The following CDH12 variants were observed in gnomAD, a reference collection of about 807,000 sequenced individuals.
CDH12 encodes cadherin-12.
CDH12 carries 41 observed loss-of-function variants against 74.1 expected under a neutral mutation model. The observed-to-expected ratio is 0.55, with a 90% CI of 0.43 to 0.72. The LOEUF (loss-of-function observed/expected upper bound fraction) is 0.72, where lower values mean the gene tolerates loss of function less well. Ranked by LOEUF, CDH12 falls within the 30% of genes least tolerant of loss-of-function variation. CDH12 has a pLI of 0.00. For synonymous variants in CDH12, 399 were observed against 355.0 expected, an observed-to-expected ratio of 1.12 and a Z score of -1.39; for missense variants, 945 against 977.2, an observed-to-expected ratio of 0.97 and a Z score of 0.44.
chr5:22,817,939 C>T (rs1008110588), intron 1 of CDH12, among the ~76,000 whole-genome samples: 1 of 151,922 alleles, frequency 6.6e-6, no homozygotes, highest in Non-Finnish European at 1.5e-5. Flanking sequence ...CCAAGTAAAC[C>T]CTAAAATAGA....
intron 3 of CDH12, among the ~76,000 whole-genome samples, chr5:22,331,226 G>A (rs984500107): frequency 2.0e-5 from 3 of 152,132 alleles, no homozygotes; most frequent in African/African-American, 7.2e-5. Context: ...CCTGGGTCCT[G>A]GGGGAGCTTG....
chr5:21,827,054 G>C (rs1748715084), intron 8 of CDH12, among the ~76,000 whole-genome samples: 1 of 152,082 alleles, frequency 6.6e-6, no homozygotes, highest in South Asian at 2.1e-4. Flanking sequence ...AATTGGTTCT[G>C]CTGATCTGGT....
intron 5 of CDH12, among the ~76,000 whole-genome samples, chr5:22,046,037 A>G (rs771825082): frequency 6.6e-6 from 1 of 152,156 alleles, no homozygotes; most frequent in East Asian, 1.9e-4. Flanking sequence ...AATAAAATAA[A>G]ACTTAGAAGT....
At chr5:21,964,319 T>A in intron 6 of CDH12, among the ~76,000 whole-genome samples, 1 of 152,158 alleles carries the variant, frequency 6.6e-6, no homozygotes, top group African/African-American at 2.4e-5. Context: ...GCAATTTCAG[T>A]GAAATATGGT....
chr5:21,945,866 T>C (rs1458485695), intron 6 of CDH12, among the ~76,000 whole-genome samples: 1 of 151,858 alleles, frequency 6.6e-6, no homozygotes, highest in African/African-American at 2.4e-5. Flanking sequence ...ACTAAAAAAC[T>C]ATTAAAAAAT....
chr5:21,973,856 C>T (rs1348874569), intron 6 of CDH12, among the ~76,000 whole-genome samples: 2 of 152,124 alleles, frequency 1.3e-5, no homozygotes, highest in African/African-American at 4.8e-5. Flanking sequence ...TCCAATTGGA[C>T]TTCTAAATTT....
rs190751429 is a variant in CDH12 at position 21,853,374 on chromosome 5, G to A, written c.646+1297C>T. ...GTACCGATACTCCCTTCTTAGTGGA[G>A]TTCTCGAAGGACTGATGCTGTCCTT... On this transcript the variant is annotated intron_variant, in intron 7 of 14. Transcript: ENST00000382254. Among the ~76,000 whole-genome samples, 21 of 151,616 alleles carry A rather than the reference G, an allele frequency of 1.4e-4. No individual in the cohort carries two copies. The East Asian group carries it at 4.1e-3, about 30-fold the overall frequency.
chr5:22,096,716 G>C (rs538376141), intron 4 of CDH12, among the ~76,000 whole-genome samples: 1 of 152,154 alleles, frequency 6.6e-6, no homozygotes, highest in Admixed American at 6.5e-5. Context: ...AGATCAGTTA[G>C]TGTTTAGGCT....
intron 3 of CDH12, among the ~76,000 whole-genome samples, chr5:22,361,140 G>A (rs1481503946): frequency 1.3e-5 from 2 of 152,138 alleles, no homozygotes; most frequent in African/African-American, 4.8e-5. Flanking sequence ...AAGTCAAATT[G>A]TCCCTATTTG....
At chr5:22,695,879 C>T (rs1013458604) in intron 1 of CDH12, among the ~76,000 whole-genome samples, 5 of 151,980 alleles carry the variant, frequency 3.3e-5, no homozygotes, top group Non-Finnish European at 5.9e-5. Context: ...CCTATTTTTT[C>T]AAGTCTGAAA....
intron 1 of CDH12, among the ~76,000 whole-genome samples, chr5:22,821,164 G>A (rs1245986945): frequency 6.6e-6 from 1 of 151,984 alleles, no homozygotes; most frequent in African/African-American, 2.4e-5. Flanking sequence ...TGCAGAAAAG[G>A]CCTTTGACAA....
rs566588688 is a variant in CDH12 at position 22,096,695 on chromosome 5, C to T, written c.-186-17833G>A. Among the ~76,000 whole-genome samples the T allele has an allele frequency of 1.7e-4, 26 of 152,170 alleles. No homozygotes were observed. The South Asian group carries it at 2.1e-3, about 12-fold the overall frequency. On this transcript the variant is annotated intron_variant, in intron 4 of 14. Coordinates refer to ENST00000382254, the MANE Select transcript of CDH12 (RefSeq NM_004061.5). ...AGTTTAATGCTCCTTTTTCTTTATC[C>T]TACCTCTCCCAGATCAGTTAGTGTT...
intron 6 of CDH12, among the ~76,000 whole-genome samples, chr5:21,955,609 A>G (rs1415899350): frequency 6.6e-6 from 1 of 152,068 alleles, no homozygotes; most frequent in Non-Finnish European, 1.5e-5. Context: ...AAATATTAAT[A>G]TTTATTTTGA....
At chr5:22,216,960 C>A (rs1171448089) in intron 3 of CDH12, among the ~76,000 whole-genome samples, 2 of 151,650 alleles carry the variant, frequency 1.3e-5, no homozygotes. Context: ...CATCTATTTG[C>A]CTAATAATTT....
At chr5:22,160,916 A>G (rs1230457378) in intron 4 of CDH12, among the ~76,000 whole-genome samples, 1 of 152,200 alleles carries the variant, frequency 6.6e-6, no homozygotes, top group African/African-American at 2.4e-5. Context: ...GCAATATTCA[A>G]TATCAGAAGC....
At chr5:22,082,512 G>A (rs1306006395) in intron 4 of CDH12, among the ~76,000 whole-genome samples, 1 of 152,122 alleles carries the variant, frequency 6.6e-6, no homozygotes, top group Non-Finnish European at 1.5e-5. Flanking sequence ...AGAAGTATAT[G>A]GTGCAAAATT....
At chr5:21,995,920 T>A (rs747998799) in intron 5 of CDH12, among the ~76,000 whole-genome samples, 42 of 152,060 alleles carry the variant, frequency 2.8e-4, no homozygotes, top group Non-Finnish European at 5.1e-4. Flanking sequence ...ATGCTATGCT[T>A]ACAGATATAA....
intron 1 of CDH12, among the ~76,000 whole-genome samples, chr5:22,715,938 A>G (rs1156934756): frequency 1.3e-5 from 2 of 152,044 alleles, no homozygotes; most frequent in Admixed American, 1.3e-4. Context: ...GGAGTTCAAG[A>G]TGAGCCTGGC....
chr5:21,766,101 T>C (rs928074651), intron 11 of CDH12, among the ~76,000 whole-genome samples: 1 of 152,026 alleles, frequency 6.6e-6, no homozygotes, highest in South Asian at 2.1e-4. Flanking sequence ...CTTATAATAT[T>C]CTTTTAGACA....
Sources: gnomAD v4.1 joint callset for allele counts (sites outside exome capture counted in the v4.1 genomes callset) on GRCh38, gnomAD v4.1.1 for gene constraint, MANE v1.5 for transcripts, NCBI Gene and HGNC (gene_info 2026-07-23, HGNC 2026-07-21) for gene names.